Variants in COMMD7 observed in about 807,000 individuals in gnomAD.
COMMD7 encodes the protein COMM domain-containing protein 7.
Under a neutral mutation model 34.8 loss-of-function variants are expected in COMMD7, and 28 were observed. That is an observed-to-expected ratio of 0.80 (90% CI 0.60 to 1.10). COMMD7 has a LOEUF of 1.10. Among genes scored for constraint, COMMD7 ranks in the 50% least tolerant of loss-of-function variants. COMMD7 has a pLI of 0.00. For synonymous variants in COMMD7, 80 were observed against 86.4 expected (o/e 0.93, Z 0.41); for missense variants, 211 against 241.6 (o/e 0.87, Z 0.84).
intron 3 of COMMD7, among the ~76,000 whole-genome samples, chr20:32,711,423 A>C (rs1022930630): frequency 6.6e-6 from 1 of 151,964 alleles, no homozygotes; most frequent in Non-Finnish European, 1.5e-5. Context: ...CTTAAAAAAA[A>C]AAAAAAAAGG....
At chr20:32,703,586 G>C in intron 8 of COMMD7, 128 bp from the exon 9 acceptor site, 1 of 1,455,150 alleles carries the variant, frequency 6.9e-7, no homozygotes, top group Non-Finnish European at 9.0e-7. Flanking sequence ...GCTCTTGATG[G>C]GTAACTGATC....
At chr20:32,707,546 T>C (rs921544628) in intron 3 of COMMD7, among the ~76,000 whole-genome samples, 1 of 151,898 alleles carries the variant, frequency 6.6e-6, no homozygotes, top group African/African-American at 2.4e-5. Flanking sequence ...TCTTGAACTA[T>C]TGACCTCAAG....
chr20:32,718,161 T>C (rs929818119), intron 3 of COMMD7, among the ~76,000 whole-genome samples: 31 of 151,506 alleles, frequency 2.0e-4, no homozygotes, highest in African/African-American at 7.0e-4. Context: ...TCCCAGCACT[T>C]TGGGAGGCTG....
chr20:32,705,372 ATATAT>A (rs200571180), intron 5 of COMMD7, among the ~76,000 whole-genome samples: 174 of 83,944 alleles, frequency 2.1e-3, no homozygotes, highest in African/African-American at 5.8e-3. Context: ...ATATATATAT[ATATAT>A]TTTTTTTTTT....
chr20:32,721,658 T>C (rs1436047366), intron 3 of COMMD7, among the ~76,000 whole-genome samples: 1 of 152,190 alleles, frequency 6.6e-6, no homozygotes, highest in Non-Finnish European at 1.5e-5. Context: ...GGCAGGCAGA[T>C]AACCTGAGGT....
At chr20:32,740,875 GC>G (rs1160899631) in intron 1 of COMMD7, among the ~76,000 whole-genome samples, 4 of 151,838 alleles carry the variant, frequency 2.6e-5, no homozygotes, top group African/African-American at 9.7e-5. Context: ...AGGGTGCATG[GC>G]TTACGCCTGT....
At chr20:32,713,302 G>A (rs1984582804) in intron 3 of COMMD7, among the ~76,000 whole-genome samples, 2 of 152,098 alleles carry the variant, frequency 1.3e-5, no homozygotes, top group South Asian at 2.1e-4. Flanking sequence ...CACCCGCCTC[G>A]GCTTCCTAAA....
intron 3 of COMMD7, among the ~76,000 whole-genome samples, chr20:32,721,326 T>C (rs1430660767): frequency 6.6e-6 from 1 of 152,106 alleles, no homozygotes; most frequent in Non-Finnish European, 1.5e-5. Context: ...TTTTAAATAA[T>C]AGGCCGGGCA....
intron 5 of COMMD7, among the ~76,000 whole-genome samples, chr20:32,705,559 G>T (rs889814656): frequency 1.3e-5 from 2 of 151,806 alleles, no homozygotes; most frequent in African/African-American, 4.8e-5. Context: ...ATTTTTAGTA[G>T]AGATGGGGTT....
chr20:32,711,105 G>A (rs1307275984), intron 3 of COMMD7, among the ~76,000 whole-genome samples: 1 of 151,538 alleles, frequency 6.6e-6, no homozygotes. Context: ...ATAAAAATAA[G>A]TGTTACTTTG....
chr20:32,703,498 C>T (rs752773697), intron 8 of COMMD7, 40 bp from the exon 9 acceptor site: 1 of 1,599,454 alleles, frequency 6.3e-7, no homozygotes, highest in African/African-American at 1.3e-5. Context: ...ATGTTTCCAA[C>T]TCCACAGAAT....
chr20:32,710,728 C>CAAAAACAAAAAAAA (rs1984384671), intron 3 of COMMD7, among the ~76,000 whole-genome samples: 1 of 94,600 alleles, frequency 1.1e-5, no homozygotes, highest in Non-Finnish European at 2.2e-5. Flanking sequence ...GACCTCATCT[C>CAAAAACAAAAAAAA]AAAAAAAAAA....
intron 1 of COMMD7, among the ~76,000 whole-genome samples, chr20:32,740,357 C>T (rs1297981238): frequency 1.3e-5 from 2 of 151,398 alleles, no homozygotes; most frequent in East Asian, 3.9e-4. Context: ...TAAGATGTGC[C>T]GTAAGTGTAA....
intron 3 of COMMD7, among the ~76,000 whole-genome samples, chr20:32,716,601 T>C (rs6058820): frequency 0.69 from 104,847 of 151,706 alleles, 36,905 homozygotes; most frequent in Middle Eastern, 0.82. Flanking sequence ...GGTGACAGAG[T>C]GAGACTCCGT....
chr20:32,704,366 T>C (rs1568769865), intron 7 of COMMD7, 74 bp downstream of exon 7: 12 of 1,336,820 alleles, frequency 9.0e-6, no homozygotes, highest in Non-Finnish European at 1.1e-5. Flanking sequence ...TAAATATCCA[T>C]TTAACCCAAT....
chr20:32,706,057 G>C (rs1373545501), intron 5 of COMMD7, among the ~76,000 whole-genome samples: 1 of 151,928 alleles, frequency 6.6e-6, no homozygotes. Context: ...AATTAGCCAG[G>C]CATGGTGGCA....
At chr20:32,713,011 C>T (rs1984566479) in intron 3 of COMMD7, among the ~76,000 whole-genome samples, 2 of 151,332 alleles carry the variant, frequency 1.3e-5, no homozygotes, top group Admixed American at 6.6e-5. Flanking sequence ...GGATTACAGG[C>T]GTGAGCCACT....
At chr20:32,738,095 C>A (rs1288702278) in intron 1 of COMMD7, among the ~76,000 whole-genome samples, 2 of 152,156 alleles carry the variant, frequency 1.3e-5, no homozygotes, top group Admixed American at 1.3e-4. Context: ...ATCCTAAATT[C>A]CTGGCTCCAT....
chr20:32,726,522 T>G (rs910526654), intron 3 of COMMD7, among the ~76,000 whole-genome samples: 3 of 152,054 alleles, frequency 2.0e-5, no homozygotes, highest in Admixed American at 6.6e-5. Context: ...TCCAACATGG[T>G]GAAACCCTGT....
Sources: gnomAD v4.1 joint callset for allele counts (sites outside exome capture counted in the v4.1 genomes callset) on GRCh38, gnomAD v4.1.1 for gene constraint, MANE v1.5 for transcripts, NCBI Gene and HGNC (gene_info 2026-07-23, HGNC 2026-07-21) for gene names.